The following RHPN2 variants were observed in gnomAD, a reference collection of about 807,000 sequenced individuals.
RHPN2 encodes rhophilin Rho GTPase binding protein 2.
In RHPN2, 40 loss-of-function variants were observed where a neutral mutation model predicts 79.0. That is an observed-to-expected ratio of 0.51 (90% CI 0.39 to 0.66). The LOEUF (loss-of-function observed/expected upper bound fraction) is 0.66. RHPN2 is among the 30% of genes least tolerant of loss of function. The probability of loss-of-function intolerance (pLI) is 0.00; values close to 1 mark genes in which losing one functional copy is unlikely to be tolerated. For missense variants in RHPN2, 686 were observed against 883.5 expected (o/e 0.78, Z 2.83); for synonymous variants, 285 against 363.5 (o/e 0.78, Z 2.46).
At chr19:32,983,371 G>T (rs759211233) in intron 14 of RHPN2, among the ~76,000 whole-genome samples, 48 of 152,020 alleles carry the variant, frequency 3.2e-4, no homozygotes, top group African/African-American at 1.0e-3. Flanking sequence ...AATTAGCCGG[G>T]CGTGGTGGCG....
Position 32,994,337 on chromosome 19 carries a change from A to G in RHPN2, c.1421-284T>C, listed in dbSNP as rs1203084649. Among the ~76,000 whole-genome samples the G allele has an allele frequency of 2.0e-5, 3 of 152,252 alleles. No individual in the cohort carries two copies. The South Asian group carries it at 6.2e-4, about 32-fold the overall frequency. ...CTTGAACCCAGGAGGCAGAGGCTGCAGTGAGTTGAAGTCATGCCACTGCAC... is the reference window on the plus strand; with the variant it reads ...CTTGAACCCAGGAGGCAGAGGCTGCGGTGAGTTGAAGTCATGCCACTGCAC... On this transcript the variant is annotated intron_variant, in intron 11 of 14. Transcript: ENST00000254260.
chr19:33,002,192 C>T, intron 9 of RHPN2, 55 bp downstream of exon 9: 3 of 1,590,408 alleles, frequency 1.9e-6, no homozygotes, highest in Admixed American at 3.5e-5. Flanking sequence ...CAGAATCGCC[C>T]CTGGGGCAGC....
intron 1 of RHPN2, 29 bp downstream of exon 1, chr19:33,064,755 T>TGGGGCCCCCCCC: frequency 2.1e-6 from 3 of 1,427,948 alleles, no homozygotes; most frequent in Non-Finnish European, 2.8e-6. Flanking sequence ...AGCCCGCAGG[T>TGGGGCCCCCCCC]CCCCGCCCGC....
intron 12 of RHPN2, among the ~76,000 whole-genome samples, chr19:32,993,771 C>A (rs1568310630): frequency 6.6e-6 from 1 of 152,146 alleles, no homozygotes; most frequent in Non-Finnish European, 1.5e-5. Flanking sequence ...TAAACCAGAA[C>A]ATGGGCCTTC....
At chr19:33,010,722 T>C (rs8103608) in intron 6 of RHPN2, among the ~76,000 whole-genome samples, 120,709 of 150,706 alleles carry the variant, frequency 0.8, 48,941 homozygotes, top group African/African-American at 0.95. Context: ...ACTCCTATCA[T>C]CCAGGCTGGA....
chr19:33,059,944 C>T (rs1972265842), intron 1 of RHPN2, among the ~76,000 whole-genome samples: 1 of 152,168 alleles, frequency 6.6e-6, no homozygotes, highest in Non-Finnish European at 1.5e-5. Flanking sequence ...TCACTCAATA[C>T]CCCAACTGCC....
intron 1 of RHPN2, among the ~76,000 whole-genome samples, chr19:33,060,984 G>A (rs980687412): frequency 7.2e-5 from 11 of 152,094 alleles, no homozygotes; most frequent in East Asian, 5.8e-4. Context: ...CACCATTCAC[G>A]TGTCAAAGCG....
intron 1 of RHPN2, among the ~76,000 whole-genome samples, chr19:33,063,947 G>A (rs1048720299): frequency 3.3e-5 from 5 of 152,218 alleles, no homozygotes; most frequent in Admixed American, 2.6e-4. Context: ...TGGACGACCC[G>A]GAGCGGAGGA....
At chr19:32,999,491 C>T in intron 10 of RHPN2, 95 bp downstream of exon 10, 1 of 1,497,470 alleles carries the variant, frequency 6.7e-7, no homozygotes, top group South Asian at 1.2e-5. Flanking sequence ...CCCCCCTCTC[C>T]CGGGCCCTCT....
In RHPN2 at chr19:32,985,159, G is replaced by A. The variant is rs368345462; in HGVS notation, c.1801-4903C>T. ...GATTACAGGCGCCCGCCACCACCAC[G>A]CCCAGGGTTTTGCCATGTTGACCAG... On this transcript the variant is annotated intron_variant, in intron 14 of 14. Coordinates refer to ENST00000254260, the MANE Select transcript of RHPN2 (RefSeq NM_033103.5). 2.5e-4 allele frequency among the ~76,000 whole-genome samples: 38 copies of A among 152,006 alleles called. No individual in the cohort carries two copies. In the Middle Eastern group the frequency reaches 0.014, roughly 54 times the overall value.
chr19:33,059,258 C>CCATTT (rs1329777341), intron 1 of RHPN2, among the ~76,000 whole-genome samples: 3 of 151,812 alleles, frequency 2.0e-5, no homozygotes, highest in African/African-American at 7.3e-5. Context: ...GAATCTCCAG[C>CCATTT]CATTCCCCAC....
At chr19:32,981,338 G>C (rs1460097123) in intron 14 of RHPN2, among the ~76,000 whole-genome samples, 2 of 146,932 alleles carry the variant, frequency 1.4e-5, no homozygotes, top group African/African-American at 2.5e-5. Context: ...AGGAGGTTGA[G>C]GCTATAGTGA....
intron 6 of RHPN2, among the ~76,000 whole-genome samples, chr19:33,009,302 A>T (rs1367291903): frequency 6.6e-6 from 1 of 151,948 alleles, no homozygotes; most frequent in East Asian, 1.9e-4. Context: ...TATAAAAAAA[A>T]AAAATGGGCT....
At chr19:33,043,871 A>G (rs1972120819) in intron 2 of RHPN2, among the ~76,000 whole-genome samples, 1 of 152,018 alleles carries the variant, frequency 6.6e-6, no homozygotes, top group Non-Finnish European at 1.5e-5. Flanking sequence ...TCTTTCCTTT[A>G]TATATTCAAT....
intron 4 of RHPN2, among the ~76,000 whole-genome samples, chr19:33,015,531 C>T (rs1441302642): frequency 6.6e-6 from 1 of 151,858 alleles, no homozygotes; most frequent in Non-Finnish European, 1.5e-5. Flanking sequence ...TTCTCTAGCC[C>T]ACACATTAAG....
chr19:33,062,776 A>C lies in RHPN2; in HGVS notation c.69+2008T>G, dbSNP rs956160547. ...GAGTGAGACTCTGTTTCATAATAAT[A>C]ATAATAATAATAATAATAATAATAA... is the stretch of plus-strand genomic sequence containing the variant. On this transcript the variant is annotated intron_variant, in intron 1 of 14. Coordinates refer to ENST00000254260, the MANE Select transcript of RHPN2 (RefSeq NM_033103.5). 1.9e-3 allele frequency among the ~76,000 whole-genome samples: 156 copies of C among 80,024 alleles called. 1 individual carries two copies. The highest frequency in any genetic ancestry group is 0.011 in the African/African-American group (152 of 13,430). 52.5% of individuals were successfully genotyped at this position (80,024 alleles called of 152,430 possible). A position where few individuals can be genotyped will look rare whatever the true frequency, so the allele number is the denominator to read the frequency against.
chr19:33,031,631 C>T (rs1348065780), intron 2 of RHPN2, among the ~76,000 whole-genome samples: 1 of 152,020 alleles, frequency 6.6e-6, no homozygotes, highest in Non-Finnish European at 1.5e-5. Flanking sequence ...GAGTGATCCT[C>T]CCTCACCCTC....
At chr19:33,028,762 T>C (rs1249779080) in intron 2 of RHPN2, among the ~76,000 whole-genome samples, 3 of 151,988 alleles carry the variant, frequency 2.0e-5, no homozygotes, top group African/African-American at 7.2e-5. Context: ...AAAATTCATA[T>C]GGAAATGCAA....
chr19:32,983,034 C>T (rs894290033), intron 14 of RHPN2, among the ~76,000 whole-genome samples: 1 of 145,514 alleles, frequency 6.9e-6, no homozygotes, highest in African/African-American at 2.5e-5. Context: ...CTCCTCCAGG[C>T]ACCCTTGCCT....
Sources: gnomAD v4.1 joint callset for allele counts (sites outside exome capture counted in the v4.1 genomes callset) on GRCh38, gnomAD v4.1.1 for gene constraint, MANE v1.5 for transcripts, NCBI Gene and HGNC (gene_info 2026-07-23, HGNC 2026-07-21) for gene names.